The following CDH3 variants were observed in gnomAD, a reference collection of about 807,000 sequenced individuals.
CDH3 encodes the protein cadherin-3.
CDH3 carries 54 observed loss-of-function variants against 82.0 expected under a neutral mutation model. That is an observed-to-expected ratio of 0.66 (90% CI 0.53 to 0.83). The LOEUF (loss-of-function observed/expected upper bound fraction) is 0.83, where lower values mean the gene tolerates loss of function less well. CDH3 is among the 40% of genes least tolerant of loss of function. The pLI, the probability that CDH3 is intolerant of heterozygous loss-of-function variation, is 0.00. For missense variants in CDH3, 1,054 were observed against 1,084.6 expected, an observed-to-expected ratio of 0.97 and a Z score of 0.40; for synonymous variants, 446 against 437.9, an observed-to-expected ratio of 1.02 and a Z score of -0.23.
downstream of CDH3, among the ~76,000 whole-genome samples, chr16:68,704,282 G>A (rs138472758): frequency 0.011 from 1,692 of 149,642 alleles, 57 homozygotes; most frequent in East Asian, 0.084. Flanking sequence ...GCGAGACTTC[G>A]TCTCAAAAAA....
intron 14 of CDH3, 21 bp from the exon 15 acceptor site, chr16:68,695,756 C>T (rs1292451033): frequency 6.2e-7 from 1 of 1,613,812 alleles, no homozygotes; most frequent in Non-Finnish European, 8.5e-7. Context: ...CAGTCACCTG[C>T]TCTCCTGCAT....
At chr16:68,691,594 T>G in intron 12 of CDH3, 126 bp from the exon 13 acceptor site, 1 of 762,836 alleles carries the variant, frequency 1.3e-6, no homozygotes. Context: ...TTTTCCAAAG[T>G]GTGCTTGTGG....
chr16:68,689,568 A>G (rs1027609626), intron 12 of CDH3, among the ~76,000 whole-genome samples: 2 of 151,718 alleles, frequency 1.3e-5, no homozygotes, highest in African/African-American at 4.8e-5. Context: ...AAAGAAAGAA[A>G]AAGTGCCCAT....
intron 1 of CDH3, among the ~76,000 whole-genome samples, chr16:68,711,292 A>T (rs1962027601): frequency 6.6e-6 from 1 of 151,980 alleles, no homozygotes; most frequent in South Asian, 2.1e-4. Context: ...CTGGGCAACA[A>T]AAGTGAAACT....
downstream of CDH3, among the ~76,000 whole-genome samples, chr16:68,730,618 A>G (rs1200175495): frequency 6.6e-6 from 1 of 152,178 alleles, no homozygotes; most frequent in Non-Finnish European, 1.5e-5. Context: ...ACTACTGTGA[A>G]TTTTATTAGG....
chr16:68,713,814 T>C (rs924382942), intron 1 of CDH3, among the ~76,000 whole-genome samples: 3 of 152,196 alleles, frequency 2.0e-5, no homozygotes, highest in Admixed American at 2.0e-4. Flanking sequence ...CTTCCTGGAA[T>C]ATAGGCCTTC....
At chr16:68,678,309 G>T (rs753965203) in intron 4 of CDH3, 32 bp downstream of exon 4, 1 of 1,612,854 alleles carries the variant, frequency 6.2e-7, no homozygotes, top group South Asian at 1.1e-5. Flanking sequence ...GGAAGCATTG[G>T]TGGCTCCAGG....
chr16:68,729,544 A>G (rs1366874669), downstream of CDH3, among the ~76,000 whole-genome samples: 2 of 152,218 alleles, frequency 1.3e-5, no homozygotes, highest in East Asian at 3.9e-4. Context: ...ATGAACAAAA[A>G]GGGATGGAGA....
intron 9 of CDH3, among the ~76,000 whole-genome samples, chr16:68,683,330 A>T (rs938683545): frequency 3.9e-5 from 6 of 152,148 alleles, no homozygotes; most frequent in Non-Finnish European, 5.9e-5. Context: ...ATTATTTCTA[A>T]AAATAGAGAA....
Position 68,681,052 on chromosome 16 carries a change from A to G in CDH3, c.952A>G (p.Ile318Val), listed in dbSNP as rs1222076087. The G allele has an allele frequency of 6.2e-7, 1 of 1,613,842 alleles. No individual in the cohort carries two copies. Among genetic ancestry groups the G allele is most frequent in the African/African-American group, 1.3e-5 (1 of 74,884 alleles). Reference protein sequence around the residue: ...STTTAVAVVEILDANDNAPMF... With the variant: ...STTTAVAVVEVLDANDNAPMF... ...CACCACGGCAGTGGCAGTAGTGGAG[A>G]TCCTTGATGCCAATGACAATGCTCC... Residue 318 changes from isoleucine (I) to valine (V), a missense_variant, in exon 8 of 16, where the codon ATC (isoleucine) becomes GTC (valine). Transcript: ENST00000264012.
At chr16:68,713,379 C>CCG (rs1962055074) in intron 1 of CDH3, among the ~76,000 whole-genome samples, 2 of 151,948 alleles carry the variant, frequency 1.3e-5, no homozygotes, top group Non-Finnish European at 2.9e-5. Context: ...TTTATTTTTC[C>CCG]AGGGATTTTA....
rs1219055450 is a variant in CDH3 at position 68,673,011 on chromosome 16, TCATTC to T, written c.161-3373_161-3369del. 8.5e-5 allele frequency among the ~76,000 whole-genome samples: 13 copies of T among 152,364 alleles called. No homozygotes were observed. The East Asian group carries it at 2.5e-3, about 29-fold the overall frequency. On this transcript the variant is annotated intron_variant, in intron 2 of 15. Transcript: ENST00000264012. The stretch of plus-strand genomic sequence containing the variant: ...CCATGTAGTTGCCTGTCCTTGTGCT[TCATTC>T]ACTTCATTATGTGAATATACCCAGT...
downstream of CDH3, among the ~76,000 whole-genome samples, chr16:68,731,421 CACATAT>C (rs1567467977): frequency 6.9e-4 from 11 of 16,046 alleles, 4 homozygotes; most frequent in African/African-American, 2.8e-3. Context: ...TATACATATA[CACATAT>C]ATACACATAT....
chr16:68,655,165 CTG>C lies in CDH3; in HGVS notation c.160+9418_160+9419del, dbSNP rs527474584. ...GTGCTAGGATTACAGGTGTGAGCCA[CTG>C]TGCATGGCCCTGGGTGGAGATTTTT... On this transcript the variant is annotated intron_variant, in intron 2 of 15. Transcript: ENST00000264012. Among the ~76,000 whole-genome samples the C allele has an allele frequency of 7.9e-5, 12 of 152,314 alleles. 1 individual carries two copies. The South Asian group carries it at 2.5e-3, about 32-fold the overall frequency.
At chr16:68,688,826 G>A (rs1368429062) in intron 12 of CDH3, among the ~76,000 whole-genome samples, 1 of 152,068 alleles carries the variant, frequency 6.6e-6, no homozygotes, top group Non-Finnish European at 1.5e-5. Context: ...TGCCATGTTG[G>A]CCAGGCTGGT....
chr16:68,731,672 A>T (rs958030321), downstream of CDH3, among the ~76,000 whole-genome samples: 2 of 150,858 alleles, frequency 1.3e-5, no homozygotes, highest in African/African-American at 4.9e-5. Context: ...CCCCGTCTCT[A>T]CAAAAAATAC....
At chr16:68,685,371 C>T in intron 11 of CDH3, 21 bp downstream of exon 11, 1 of 1,613,412 alleles carries the variant, frequency 6.2e-7, no homozygotes, top group Non-Finnish European at 8.5e-7. Context: ...CCTCCCAGCC[C>T]TCCCACAAGG....
At chr16:68,708,660 T>C (rs1961993226) in intron 1 of CDH3, among the ~76,000 whole-genome samples, 1 of 151,946 alleles carries the variant, frequency 6.6e-6, no homozygotes, top group South Asian at 2.1e-4. Context: ...TTTCTTTTTT[T>C]TGAGACCGAG....
chr16:68,646,773 G>A (rs928161508), intron 2 of CDH3, among the ~76,000 whole-genome samples: 3 of 152,202 alleles, frequency 2.0e-5, no homozygotes, highest in East Asian at 1.9e-4. Context: ...TTAGGGGGAA[G>A]GAACCGTGGC....
Sources: allele counts gnomAD v4.1 joint callset (sites outside exome capture counted in the v4.1 genomes callset), GRCh38; gene constraint gnomAD v4.1.1; transcripts MANE v1.5; gene names NCBI Gene and HGNC (gene_info 2026-07-23, HGNC 2026-07-21).